Variants in LRRC27 observed in about 807,000 individuals in gnomAD.
LRRC27 encodes leucine-rich repeat-containing protein 27.
In LRRC27, 57 loss-of-function variants were observed where a neutral mutation model predicts 55.0. The ratio of observed to expected loss-of-function variants is 1.04; its 90% CI spans 0.84 to 1.29. LRRC27 has a LOEUF of 1.29. LRRC27 is among the 50% of genes most tolerant of loss of function. The pLI, the probability that LRRC27 is intolerant of heterozygous loss-of-function variation, is 0.00. For missense variants in LRRC27, 721 were observed against 651.5 expected, an observed-to-expected ratio of 1.11 and a Z score of -1.16; for synonymous variants, 278 against 251.9, an observed-to-expected ratio of 1.10 and a Z score of -0.98.
At chr10:132,357,383 C>G (rs145578975) in intron 8 of LRRC27, among the ~76,000 whole-genome samples, 177 of 152,338 alleles carry the variant, frequency 1.2e-3, no homozygotes, top group African/African-American at 4.1e-3. Context: ...AGAATGCTTT[C>G]AGAGCTGAAT....
At chr10:132,365,394 T>G in intron 9 of LRRC27, 30 bp from the exon 10 acceptor site, 1 of 1,612,134 alleles carries the variant, frequency 6.2e-7, no homozygotes, top group Non-Finnish European at 8.5e-7. Flanking sequence ...ATGTGTCAAG[T>G]CATTTCCCTC....
intron 3 of LRRC27, among the ~76,000 whole-genome samples, chr10:132,338,520 C>G (rs948273676): frequency 9.2e-5 from 14 of 152,162 alleles, no homozygotes; most frequent in Admixed American, 7.2e-4. Context: ...TAATCCTGCC[C>G]ATGGTGGAAA....
At chr10:132,353,843 G>C (rs2068182310) in intron 7 of LRRC27, among the ~76,000 whole-genome samples, 1 of 152,232 alleles carries the variant, frequency 6.6e-6, no homozygotes, top group East Asian at 1.9e-4. Context: ...GGCCCCGCCT[G>C]TCAAGCATGC....
chr10:132,366,075 G>A (rs759588282), intron 10 of LRRC27, among the ~76,000 whole-genome samples: 10 of 152,230 alleles, frequency 6.6e-5, no homozygotes, highest in South Asian at 2.1e-4. Context: ...GCCACATGGC[G>A]GGCCTTGGCA....
rs1391424619 is a variant in LRRC27 at position 132,377,518 on chromosome 10, C to T, written c.*2276C>T. On this transcript the variant is annotated 3_prime_UTR_variant, in exon 11 of 11. Coordinates refer to ENST00000368614, the MANE Select transcript of LRRC27 (RefSeq NM_030626.3). ...TCCCTGCCATTGATGCTGTTGCTCT[C>T]GTCCGCCTCCCTTCCACAGGTAAGC... 3 of 152,160 alleles carry T rather than the reference C, an allele frequency of 2.0e-5. No homozygotes were observed. The highest frequency in any genetic ancestry group is 7.2e-5 in the African/African-American group (3 of 41,412). 9.4% of individuals were successfully genotyped at this position (152,160 alleles called of 1,614,324 possible).
At chr10:132,373,542 G>T (rs1363309995) in intron 10 of LRRC27, among the ~76,000 whole-genome samples, 1 of 152,206 alleles carries the variant, frequency 6.6e-6, no homozygotes, top group Non-Finnish European at 1.5e-5. Context: ...CAGGCGCCGG[G>T]ATTCGGTACT....
chr10:132,368,846 C>T (rs192272355), intron 10 of LRRC27, among the ~76,000 whole-genome samples: 4 of 152,118 alleles, frequency 2.6e-5, no homozygotes, highest in Admixed American at 2.6e-4. Flanking sequence ...TAAGACACTG[C>T]CAAAAGGATA....
rs773663611 is a variant in LRRC27 at position 132,348,011 on chromosome 10, TC to T, written c.583del (p.Arg195ValfsTer21). On this transcript the variant is annotated frameshift_variant, in exon 6 of 11. Coordinates refer to ENST00000368614, the MANE Select transcript of LRRC27 (RefSeq NM_030626.3). LOFTEE classifies it high-confidence loss of function. The surrounding 1 kb of genome is among the most constrained non-coding windows in gnomAD (Gnocchi z 4.2). Reference protein sequence around the residue: ...QEAPPVREMTLRDLPSPGLEL... With the variant: ...QEAPPVREMTXRDLPSPGLEL... Reference sequence around the variant, plus strand: ...GCTCCACCGGTTAGAGAGATGACCCTCCGTGACCTCCCGAGCCCAGGACTGG... The same window carrying T: ...GCTCCACCGGTTAGAGAGATGACCCTCGTGACCTCCCGAGCCCAGGACTGG... The T allele has an allele frequency of 5.0e-6, 8 of 1,611,666 alleles. No individual in the cohort carries two copies. The East Asian group carries it at 1.8e-4, about 36-fold the overall frequency.
intron 10 of LRRC27, among the ~76,000 whole-genome samples, chr10:132,369,338 A>G (rs1025381677): frequency 6.6e-6 from 1 of 152,242 alleles, no homozygotes; most frequent in Non-Finnish European, 1.5e-5. Context: ...AGCTTTTTTC[A>G]TAATTGCCAA....
At chr10:132,331,402 C>G (rs1284941150), upstream of LRRC27, 1 of 1,576,258 alleles carries the variant, frequency 6.3e-7, no homozygotes, top group Non-Finnish European at 8.6e-7. Flanking sequence ...TCATCTTCTT[C>G]CAAATTCTCA....
chr10:132,364,639 AACACC>A lies in LRRC27; in HGVS notation c.1290-784_1290-780del, dbSNP rs201418795. Among the ~76,000 whole-genome samples the A allele has an allele frequency of 3.7e-3, 109 of 29,486 alleles. 8 individuals are homozygous for A. The highest frequency in any genetic ancestry group is 0.021 in the Middle Eastern group (1 of 48). 19.3% of individuals were successfully genotyped at this position (29,486 alleles called of 152,430 possible). A position where few individuals can be genotyped will look rare whatever the true frequency, so the allele number is the denominator to read the frequency against. ...TACATCTACCTCCACGCCCACACTTAACACCCACCCACACTTACATCTACCTGCAC... is the reference window on the plus strand; with the variant it reads ...TACATCTACCTCCACGCCCACACTTACACCCACACTTACATCTACCTGCAC... On this transcript the variant is annotated intron_variant, in intron 9 of 10. Coordinates refer to ENST00000368614, the MANE Select transcript of LRRC27 (RefSeq NM_030626.3).
At chr10:132,330,531 A>G, upstream of LRRC27, 1 of 716,492 alleles carries the variant, frequency 1.4e-6, no homozygotes, top group East Asian at 2.7e-5. Flanking sequence ...TTTTTTTGAG[A>G]CAGGGTCTCG....
At chr10:132,335,579 G>GA (rs1320968008) in intron 2 of LRRC27, among the ~76,000 whole-genome samples, 1 of 146,976 alleles carries the variant, frequency 6.8e-6, no homozygotes, top group African/African-American at 2.6e-5. Context: ...GTACTATGGG[G>GA]GGGGTCACAG....
chr10:132,372,104 A>T lies in LRRC27; in HGVS notation c.1417-2962A>T, dbSNP rs551912476. Reference sequence around the variant, plus strand: ...GGAAGACAAAACCAACCAAAGAAGGATGGGAAGTGGGGGTCGGGGTGCGGT... The same window carrying T: ...GGAAGACAAAACCAACCAAAGAAGGTTGGGAAGTGGGGGTCGGGGTGCGGT... On this transcript the variant is annotated intron_variant, in intron 10 of 10. Coordinates refer to ENST00000368614, the MANE Select transcript of LRRC27 (RefSeq NM_030626.3). The surrounding 1 kb of genome is among the most constrained non-coding windows in gnomAD (Gnocchi z 4.0). Among the ~76,000 whole-genome samples the T allele has an allele frequency of 6.6e-6, 1 of 152,316 alleles. No homozygotes were observed. The highest frequency in any genetic ancestry group is 2.4e-5 in the African/African-American group (1 of 41,576).
chr10:132,330,861 C>G (rs1326415828), upstream of LRRC27, among the ~76,000 whole-genome samples: 2 of 151,698 alleles, frequency 1.3e-5, no homozygotes, highest in African/African-American at 4.8e-5. Context: ...CGTAAATCCC[C>G]TCAAAGTGGA....
At chr10:132,337,763 C>G (rs543271188) in intron 3 of LRRC27, 68 bp downstream of exon 3, 1 of 1,548,148 alleles carries the variant, frequency 6.5e-7, no homozygotes, top group Non-Finnish European at 8.8e-7. Context: ...TTCTTTCGCT[C>G]CTTGTCCTTT....
chr10:132,344,756 G>A, intron 5 of LRRC27, 106 bp downstream of exon 5: 1 of 1,251,176 alleles, frequency 8.0e-7, no homozygotes, highest in African/African-American at 1.5e-5. Flanking sequence ...GAGAAATACA[G>A]GAGCCATGGG....
At chr10:132,359,578 G>A (rs533000047) in intron 8 of LRRC27, among the ~76,000 whole-genome samples, 14 of 152,336 alleles carry the variant, frequency 9.2e-5, no homozygotes, top group Non-Finnish European at 1.6e-4. Context: ...CGCTGGCTTT[G>A]CAGCCTGGTC....
In LRRC27 at chr10:132,378,340, C is replaced by G. The variant is rs1336778190; in HGVS notation, c.*3098C>G. The stretch of plus-strand genomic sequence containing the variant: ...TTTTACGTATTTTTCTTGGAATATA[C>G]AGAACTCAAATCTGGGAGTTAGCAT... On this transcript the variant is annotated 3_prime_UTR_variant, in exon 11 of 11. Transcript: ENST00000368614. 2 of 151,578 alleles carry G rather than the reference C, an allele frequency of 1.3e-5. No homozygotes were observed. Among genetic ancestry groups the G allele is most frequent in the Non-Finnish European group, 2.9e-5 (2 of 67,904 alleles). The allele number at this position is 151,578 out of a possible 1,614,324, so 9.4% of individuals were successfully genotyped here. A position where few individuals can be genotyped will look rare whatever the true frequency, so the allele number is the denominator to read the frequency against.
Sources: gnomAD v4.1 joint callset for allele counts (sites outside exome capture counted in the v4.1 genomes callset) on GRCh38, gnomAD v4.1.1 for gene constraint, Gnocchi (gnomAD v3.1) non-coding constraint, MANE v1.5 for transcripts, NCBI Gene and HGNC (gene_info 2026-07-23, HGNC 2026-07-21) for gene names.